MAP4: variants seen among roughly 807,000 people sequenced by gnomAD.
MAP4 encodes microtubule associated protein 4.
In MAP4, 76 loss-of-function variants were observed where a neutral mutation model predicts 170.2. The ratio of observed to expected loss-of-function variants is 0.45; its 90% CI spans 0.37 to 0.54. MAP4 has a LOEUF of 0.54. MAP4 is among the 20% of genes least tolerant of loss of function. The pLI, the probability that MAP4 is intolerant of heterozygous loss-of-function variation, is 0.00. For synonymous variants in MAP4, 909 were observed against 994.5 expected, an observed-to-expected ratio of 0.91 and a Z score of 1.62; for missense variants, 2,506 against 2,748.0, an observed-to-expected ratio of 0.91 and a Z score of 1.97.
At chr3:47,899,832 TTCTG>T (rs1301384444) in intron 10 of MAP4, among the ~76,000 whole-genome samples, 3 of 152,338 alleles carry the variant, frequency 2.0e-5, no homozygotes, top group South Asian at 2.1e-4. Flanking sequence ...TTCTATTCCA[TTCTG>T]TCTGAGTTTG....
chr3:48,060,337 T>A (rs781697263), intron 1 of MAP4, among the ~76,000 whole-genome samples: 53 of 151,938 alleles, frequency 3.5e-4, no homozygotes, highest in Non-Finnish European at 6.9e-4. Flanking sequence ...ATTAAAAGAT[T>A]GATGGATCAT....
chr3:48,041,685 G>A (rs901923032), intron 1 of MAP4, among the ~76,000 whole-genome samples: 1 of 152,076 alleles, frequency 6.6e-6, no homozygotes, highest in Non-Finnish European at 1.5e-5. Context: ...TCTCAGTCTG[G>A]GTGATGCGGT....
chr3:47,999,446 C>T (rs895409877), intron 1 of MAP4, among the ~76,000 whole-genome samples: 1 of 151,960 alleles, frequency 6.6e-6, no homozygotes, highest in Non-Finnish European at 1.5e-5. Flanking sequence ...TCTGTAGTCA[C>T]GTATATTACC....
intron 3 of MAP4, among the ~76,000 whole-genome samples, chr3:47,946,206 G>C (rs1377366810): frequency 6.6e-6 from 1 of 150,766 alleles, no homozygotes; most frequent in African/African-American, 2.4e-5. Context: ...GCCTCCCAAA[G>C]TGCTGGGATT....
At chr3:47,860,847 A>G (rs931848401) in intron 17 of MAP4, among the ~76,000 whole-genome samples, 2 of 152,204 alleles carry the variant, frequency 1.3e-5, no homozygotes, top group African/African-American at 4.8e-5. Context: ...GAATATGTTA[A>G]TTAAAACCAT....
intron 10 of MAP4, among the ~76,000 whole-genome samples, chr3:47,887,548 C>G (rs1003747331): frequency 6.6e-6 from 1 of 152,252 alleles, no homozygotes; most frequent in Non-Finnish European, 1.5e-5. Context: ...CCCTGCTCCA[C>G]GGCGCCCAGT....
intron 15 of MAP4, among the ~76,000 whole-genome samples, chr3:47,869,867 C>T (rs2088220160): frequency 6.6e-6 from 1 of 152,106 alleles, no homozygotes; most frequent in Non-Finnish European, 1.5e-5. Flanking sequence ...GGGAGATAGG[C>T]CATCAGCAGC....
intron 1 of MAP4, among the ~76,000 whole-genome samples, chr3:48,068,264 CAAAAAAA>C (rs34691079): frequency 3.7e-5 from 4 of 106,726 alleles, no homozygotes; most frequent in South Asian, 3.3e-4. Flanking sequence ...GATTCTGTCT[CAAAAAAA>C]AAAAAAAAAA....
chr3:47,929,163 T>C (rs1157289046), intron 3 of MAP4, among the ~76,000 whole-genome samples: 6 of 152,140 alleles, frequency 3.9e-5, no homozygotes, highest in Admixed American at 2.0e-4. Flanking sequence ...GAGACCAGCC[T>C]GACCAACATG....
intron 1 of MAP4, among the ~76,000 whole-genome samples, chr3:48,055,167 C>A (rs2100130128): frequency 6.6e-6 from 1 of 150,444 alleles, no homozygotes; most frequent in Non-Finnish European, 1.5e-5. Context: ...ATGGCAGTTT[C>A]TTTAAAAAGT....
chr3:47,927,666 C>G (rs1238208966), intron 4 of MAP4, among the ~76,000 whole-genome samples: 1 of 152,032 alleles, frequency 6.6e-6, no homozygotes, highest in African/African-American at 2.4e-5. Flanking sequence ...GTAGAGACAG[C>G]GTTTCTCCAT....
At chr3:47,870,684 T>A (rs965108079) in intron 15 of MAP4, 129 bp downstream of exon 15, 1 of 971,348 alleles carries the variant, frequency 1.0e-6, no homozygotes, top group Non-Finnish European at 1.4e-6. Flanking sequence ...GAGCCCCGGC[T>A]GAAATACCCT....
intron 2 of MAP4, among the ~76,000 whole-genome samples, chr3:47,987,029 T>C (rs1354041430): frequency 1.3e-5 from 2 of 152,158 alleles, no homozygotes; most frequent in Non-Finnish European, 2.9e-5. Flanking sequence ...AGAGCAGTGG[T>C]CTCTAATGCA....
intron 1 of MAP4, among the ~76,000 whole-genome samples, chr3:48,026,237 TTTAAGA>T (rs2100113060): frequency 6.6e-6 from 1 of 152,202 alleles, no homozygotes; most frequent in Admixed American, 6.5e-5. Context: ...TAATCAAGGA[TTTAAGA>T]TTGAGTTTGC....
chr3:47,973,680 T>A, intron 3 of MAP4: 1 of 985,404 alleles, frequency 1.0e-6, no homozygotes, highest in Non-Finnish European at 1.2e-6. Context: ...ATACCCAGGC[T>A]TCTCCACCCA....
chr3:47,911,397 T>C lies in MAP4; in HGVS notation c.3024A>G (p.Glu1008=). 6.5e-7 allele frequency: 1 copy of C among 1,536,156 alleles called. No individual in the cohort carries two copies. Among genetic ancestry groups the C allele is most frequent in the Non-Finnish European group, 8.7e-7 (1 of 1,146,898 alleles). ...TTAGTTCTTTATCCTCTTCAGCTCCTTCAGGAAACTCCTTCAGTTTGACAT... is the reference window on the plus strand; with the variant it reads ...TTAGTTCTTTATCCTCTTCAGCTCCCTCAGGAAACTCCTTCAGTTTGACAT... The part of the protein sequence containing the change: ...LQNVKLKEFP[E]GAEEDKELKK... Residue 1008 remains glutamate, a synonymous_variant, in exon 9 of 21, where the codon GAA becomes GAG. Coordinates refer to ENST00000683076, the MANE Select transcript of MAP4 (RefSeq NM_001385682.1). The surrounding 1 kb of genome is among the most constrained non-coding windows in gnomAD (Gnocchi z 4.0).
At position 47,992,893 on chromosome 3, in the gene MAP4, C is replaced by A. The variant is rs538376085; in HGVS notation, c.223+5745G>T. ...CACTCCAGCCTGGGTGACAGAGAGA[C>A]ACTCCATCTTAAAAAAAAAAAAAAA... On this transcript the variant is annotated intron_variant, in intron 2 of 20. Transcript: ENST00000683076. Among the ~76,000 whole-genome samples, 5 of 142,966 alleles carry A rather than the reference C, an allele frequency of 3.5e-5. No individual in the cohort carries two copies. In the South Asian group the frequency reaches 6.8e-4, roughly 19 times the overall value. 93.8% of individuals were successfully genotyped at this position (142,966 alleles called of 152,430 possible). A position where few individuals can be genotyped will look rare whatever the true frequency, so the allele number is the denominator to read the frequency against.
chr3:48,017,799 C>A (rs374926630), upstream of MAP4, among the ~76,000 whole-genome samples: 20 of 152,326 alleles, frequency 1.3e-4, no homozygotes, highest in South Asian at 4.1e-3. Context: ...AGAACTAATA[C>A]ATCATCTGTA....
chr3:48,012,252 C>T (rs1409500945), intron 1 of MAP4, among the ~76,000 whole-genome samples: 3 of 152,160 alleles, frequency 2.0e-5, no homozygotes, highest in Non-Finnish European at 4.4e-5. Flanking sequence ...AACCACCTAC[C>T]ATGTTCTCTC....
Sources: allele counts gnomAD v4.1 joint callset (sites outside exome capture counted in the v4.1 genomes callset), GRCh38; gene constraint gnomAD v4.1.1; non-coding constraint Gnocchi (gnomAD v3.1); transcripts MANE v1.5; gene names NCBI Gene and HGNC (gene_info 2026-07-23, HGNC 2026-07-21).